The following RILPL1 variants were observed in gnomAD, a reference collection of about 807,000 sequenced individuals.
The protein encoded by RILPL1 is Rab interacting lysosomal protein like 1, also known as RILP-like protein 1.
A neutral mutation model predicts 50.3 loss-of-function variants in RILPL1; 33 were observed. The ratio of observed to expected loss-of-function variants is 0.66; its 90% CI spans 0.50 to 0.88. The LOEUF (loss-of-function observed/expected upper bound fraction) is 0.88. Among genes scored for constraint, RILPL1 ranks in the 40% least tolerant of loss-of-function variants. RILPL1 has a pLI of 0.00. For missense variants in RILPL1, 418 were observed against 542.5 expected, an observed-to-expected ratio of 0.77 and a Z score of 2.28; for synonymous variants, 205 against 228.6, an observed-to-expected ratio of 0.90 and a Z score of 0.93.
At chr12:123,486,055 C>T (rs1397659874) in intron 4 of RILPL1, among the ~76,000 whole-genome samples, 1 of 152,186 alleles carries the variant, frequency 6.6e-6, no homozygotes, top group African/African-American at 2.4e-5. Flanking sequence ...ACCTCCCCAC[C>T]CGACTTGGGG....
In RILPL1 at chr12:123,498,824, A is replaced by G; in HGVS notation, c.580-59T>C. The G allele has an allele frequency of 2.0e-6, 3 of 1,512,654 alleles. No homozygotes were observed. The Admixed American group carries it at 5.0e-5, about 25-fold the overall frequency. 93.7% of individuals were successfully genotyped at this position (1,512,654 alleles called of 1,614,324 possible). A position where few individuals can be genotyped will look rare whatever the true frequency, so the allele number is the denominator to read the frequency against. On this transcript the variant is annotated intron_variant, in intron 3 of 6. Transcript: ENST00000376874. This position sits in a 1 kb window ranked among gnomAD's most constrained non-coding sequence, Gnocchi z 4.3. ...CCACCTGCGGTAGCTCAGGTTGTAC[A>G]CTGCACAACGGCAAACCATCCATAG...
intron 2 of RILPL1, chr12:123,519,491 C>G (rs1246871114): frequency 6.6e-6 from 1 of 152,400 alleles, no homozygotes; most frequent in Non-Finnish European, 1.5e-5. Context: ...GAAGGCCACA[C>G]TGTTCCATGC....
intron 4 of RILPL1, among the ~76,000 whole-genome samples, chr12:123,487,666 T>TA (rs1387858418): frequency 2.0e-5 from 3 of 152,222 alleles, no homozygotes; most frequent in African/African-American, 7.2e-5. Context: ...ACAGTGTGTT[T>TA]ATCCATTCTT....
intron 6 of RILPL1, among the ~76,000 whole-genome samples, chr12:123,478,469 C>T (rs573336014): frequency 1.1e-4 from 16 of 152,000 alleles, no homozygotes; most frequent in Non-Finnish European, 2.1e-4. Flanking sequence ...TTTAACTCCC[C>T]GCTCCCCGCC....
intron 2 of RILPL1, 143 bp from the exon 3 acceptor site, chr12:123,499,679 G>A (rs1175435544): frequency 2.0e-5 from 13 of 652,710 alleles, no homozygotes; most frequent in African/African-American, 5.4e-5. Context: ...CTCCACTCAC[G>A]CCCTTCGCCC....
rs1378125787 is a variant in RILPL1, at chr12:123,533,365, G to A, written c.118C>T (p.Arg40Trp). ...TCGCAGCCGTGCTGGTCAATGACCC[G>A]CTCGAACTCGTGGCCCACAAGCGAC... ...IASLVGHEFE[R>W]VIDQHGCEAI... is the part of the protein sequence containing the mutation. The change falls in exon 1 of 7, where the codon CGG becomes TGG. Residue 40 changes from arginine to tryptophan, a missense_variant. Coordinates refer to ENST00000376874, the MANE Select transcript of RILPL1 (RefSeq NM_178314.5). This position sits in a 1 kb window ranked among gnomAD's most constrained non-coding sequence, Gnocchi z 6.2. 2.5e-6 allele frequency: 4 copies of A among 1,571,244 alleles called. No individual in the cohort carries two copies. In the South Asian group the frequency reaches 3.5e-5, roughly 14 times the overall value.
At chr12:123,483,782 G>A (rs78738316) in intron 6 of RILPL1, among the ~76,000 whole-genome samples, 32 of 152,104 alleles carry the variant, frequency 2.1e-4, no homozygotes, top group Admixed American at 2.0e-4. Flanking sequence ...TAGATGGGGT[G>A]GACCCAGGGC....
rs911821970 is a variant in RILPL1, at chr12:123,472,232, A to G, written c.*306T>C. 16 of 313,046 alleles carry G rather than the reference A, an allele frequency of 5.1e-5. No homozygotes were observed. The highest frequency in any genetic ancestry group is 1.0e-3 in the Middle Eastern group (1 of 1,000). The allele number at this position is 313,046 out of a possible 1,614,324, so 19.4% of individuals were successfully genotyped here. ...GGCAAGTGATGTATTTGGCTTAAAGAAGCTTGTGTTACTGAAGTTAACGCA... is the reference window on the plus strand; with the variant it reads ...GGCAAGTGATGTATTTGGCTTAAAGGAGCTTGTGTTACTGAAGTTAACGCA... On this transcript the variant is annotated 3_prime_UTR_variant, in exon 7 of 7. Coordinates refer to ENST00000376874, the MANE Select transcript of RILPL1 (RefSeq NM_178314.5).
intron 6 of RILPL1, among the ~76,000 whole-genome samples, chr12:123,482,625 T>TC: frequency 6.6e-6 from 1 of 151,002 alleles, no homozygotes; most frequent in South Asian, 2.1e-4. Context: ...TCTCTCTTTT[T>TC]TTTTTTTTTT....
At chr12:123,524,054 G>A (rs775370665) in intron 1 of RILPL1, among the ~76,000 whole-genome samples, 3 of 152,164 alleles carry the variant, frequency 2.0e-5, no homozygotes, top group Non-Finnish European at 2.9e-5. Flanking sequence ...CAGAGGCCTC[G>A]AGAATCCTGG....
At chr12:123,523,917 C>A (rs555454987) in intron 1 of RILPL1, among the ~76,000 whole-genome samples, 1 of 152,242 alleles carries the variant, frequency 6.6e-6, no homozygotes, top group Non-Finnish European at 1.5e-5. Context: ...AATGCCGCAT[C>A]TTGGAGCTCT....
chr12:123,487,251 C>T (rs897402431), intron 4 of RILPL1, among the ~76,000 whole-genome samples: 1 of 152,136 alleles, frequency 6.6e-6, no homozygotes, highest in South Asian at 2.1e-4. Flanking sequence ...TGGCTCCTTT[C>T]ACTTAGCACG....
At position 123,522,588 on chromosome 12, in the gene RILPL1, A is replaced by G. The variant is rs1403415678; in HGVS notation, c.460+907T>C. Among the ~76,000 whole-genome samples, 1 of 151,972 alleles carries G rather than the reference A, an allele frequency of 6.6e-6. No homozygotes were observed. Among genetic ancestry groups the G allele is most frequent in the Non-Finnish European group, 1.5e-5 (1 of 68,000 alleles). ...TTTCCAGCCTCCTGAGGCCTCAATC[A>G]TCTTCTGACACACTAGCCTTCTTTA... On this transcript the variant is annotated intron_variant, in intron 2 of 6. Coordinates refer to ENST00000376874, the MANE Select transcript of RILPL1 (RefSeq NM_178314.5). This position sits in a 1 kb window ranked among gnomAD's most constrained non-coding sequence, Gnocchi z 4.0.
intron 1 of RILPL1, among the ~76,000 whole-genome samples, chr12:123,530,980 C>T (rs1885422781): frequency 6.7e-6 from 1 of 148,826 alleles, no homozygotes; most frequent in African/African-American, 2.5e-5. Context: ...TTGCTGAAAG[C>T]GAGAGAGACA....
At chr12:123,476,870 G>A (rs1034769502) in intron 6 of RILPL1, among the ~76,000 whole-genome samples, 2 of 152,198 alleles carry the variant, frequency 1.3e-5, no homozygotes, top group African/African-American at 4.8e-5. Flanking sequence ...GCTCCCCAGG[G>A]CTAAAATGTA....
At position 123,499,513 on chromosome 12, in the gene RILPL1, C is replaced by T; in HGVS notation, c.484G>A (p.Val162Met). The change falls in exon 3 of 7, where the codon GTG becomes ATG. Residue 162 changes from valine to methionine, a missense_variant. Val to Met is a conservative substitution (Grantham distance 21, BLOSUM62 1). Transcript: ENST00000376874. ...HEGMSERERQVMKKLKEVVDK... is the reference protein window; with the variant it reads ...HEGMSERERQMMKKLKEVVDK... ...ACCACCTCCTTCAGCTTCTTCATCA[C>T]CTGTCGCTCCCGCTCTGACATGCCT... 6.2e-7 allele frequency: 1 copy of T among 1,613,878 alleles called. No homozygotes were observed.
Position 123,495,653 on chromosome 12 carries a change from C to G in RILPL1, c.801+2891G>C, listed in dbSNP as rs1268252061. Among the ~76,000 whole-genome samples, 4 of 145,012 alleles carry G rather than the reference C, an allele frequency of 2.8e-5. No individual in the cohort carries two copies. The East Asian group carries it at 8.0e-4, about 29-fold the overall frequency. On this transcript the variant is annotated intron_variant, in intron 4 of 6. Transcript: ENST00000376874. ...CCTCCCAAAGTGCTGGGATTACAGG[C>G]GTGAGCCACCGCACCTGGCCCCAGT...
At chr12:123,515,935 G>T (rs899054582) in intron 2 of RILPL1, among the ~76,000 whole-genome samples, 2 of 150,670 alleles carry the variant, frequency 1.3e-5, no homozygotes, top group Non-Finnish European at 3.0e-5. Flanking sequence ...TTGGGAGGCT[G>T]AGGCAGGAGA....
rs190950951 is a variant in RILPL1 at position 123,528,779 on chromosome 12, C to G, written c.309+4395G>C. Among the ~76,000 whole-genome samples, 6 of 152,184 alleles carry G rather than the reference C, an allele frequency of 3.9e-5. No homozygotes were observed. In the East Asian group the frequency reaches 1.2e-3, roughly 29 times the overall value. ...CAGGGAATGAATACAGACTTTAACC[C>G]TAAATTCTTTTTTTTTCTTCTCTCA... On this transcript the variant is annotated intron_variant, in intron 1 of 6. Transcript: ENST00000376874.
Sources: gnomAD v4.1 joint callset for allele counts (sites outside exome capture counted in the v4.1 genomes callset) on GRCh38, gnomAD v4.1.1 for gene constraint, Gnocchi (gnomAD v3.1) non-coding constraint, MANE v1.5 for transcripts, NCBI Gene and HGNC (gene_info 2026-07-23, HGNC 2026-07-21) for gene names.